Variants in GPD1L observed in about 807,000 individuals in gnomAD.
GPD1L encodes glycerol-3-phosphate dehydrogenase 1-like protein.
Under a neutral mutation model 32.9 loss-of-function variants are expected in GPD1L, and 17 were observed. That is an observed-to-expected ratio of 0.52 (90% CI 0.35 to 0.78). The LOEUF is 0.78. GPD1L is among the 30% of genes least tolerant of loss of function. The probability of loss-of-function intolerance (pLI) is 0.01; values close to 1 mark genes in which losing one functional copy is unlikely to be tolerated. For missense variants in GPD1L, 361 were observed against 447.8 expected, an observed-to-expected ratio of 0.81 and a Z score of 1.75; for synonymous variants, 187 against 165.9, an observed-to-expected ratio of 1.13 and a Z score of -0.98.
At chr3:32,131,800 G>A (rs1575112764) in intron 2 of GPD1L, among the ~76,000 whole-genome samples, 1 of 152,118 alleles carries the variant, frequency 6.6e-6, no homozygotes. Context: ...TTAACTTTTT[G>A]AGGAACTGCC....
At chr3:32,163,852 T>C (rs1701107555) in intron 7 of GPD1L, among the ~76,000 whole-genome samples, 1 of 152,194 alleles carries the variant, frequency 6.6e-6, no homozygotes, top group Admixed American at 6.5e-5. Context: ...AACACACAGT[T>C]ATAACAGGGA....
intron 5 of GPD1L, among the ~76,000 whole-genome samples, chr3:32,147,757 C>T (rs750276213): frequency 1.1e-4 from 17 of 152,230 alleles, no homozygotes; most frequent in Non-Finnish European, 2.2e-4. Flanking sequence ...CACCAGTCAC[C>T]TGTCTTTATT....
rs1700725665 is a variant in GPD1L at position 32,140,364 on chromosome 3, T to C, written c.503T>C (p.Ile168Thr). Residue 168 changes from isoleucine to threonine, a missense_variant and splice_region_variant, in exon 4 of 8, where the codon ATC becomes ACC. By Grantham distance (89) the Ile-to-Thr change is moderately conservative (BLOSUM62 -1). Transcript: ENST00000282541. ...GCAGAGAAGTTCTGTGAGACCACCA[T>C]CGGTAAGCACTGCCTGGGAGGGACC... ...VAAEKFCETT[I>T]GSKVMENGLL... 1 of 1,614,156 alleles carries C rather than the reference T, an allele frequency of 6.2e-7. No homozygotes were observed. Among genetic ancestry groups the C allele is most frequent in the Non-Finnish European group, 8.5e-7 (1 of 1,180,010 alleles).
intron 1 of GPD1L, among the ~76,000 whole-genome samples, chr3:32,121,685 CTATATATATATTTA>C (rs1480413835): frequency 8.0e-6 from 1 of 125,460 alleles, no homozygotes; most frequent in Non-Finnish European, 1.6e-5. Context: ...GTGTATATTT[CTATATATATATTTA>C]TATATATATT....
intron 5 of GPD1L, among the ~76,000 whole-genome samples, chr3:32,153,601 C>T (rs1700950058): frequency 6.6e-6 from 1 of 152,214 alleles, no homozygotes; most frequent in Non-Finnish European, 1.5e-5. Flanking sequence ...CAATATGTGG[C>T]ACCTTGCCTT....
intron 1 of GPD1L, among the ~76,000 whole-genome samples, chr3:32,112,050 A>C (rs966129075): frequency 6.6e-5 from 10 of 152,228 alleles, no homozygotes; most frequent in Admixed American, 4.6e-4. Context: ...GAGAGTTGAT[A>C]GGATGGACTG....
intron 1 of GPD1L, among the ~76,000 whole-genome samples, chr3:32,120,090 C>T (rs138775563): frequency 0.012 from 1,791 of 152,136 alleles, 18 homozygotes; most frequent in Non-Finnish European, 0.019. Flanking sequence ...TTTGGGAGGC[C>T]GAGGCAGGCG....
chr3:32,159,699 A>G (rs367951581), intron 7 of GPD1L, 25 bp downstream of exon 7: 241 of 1,332,448 alleles, frequency 1.8e-4, no homozygotes, highest in Admixed American at 7.6e-4. Context: ...CGCCCATGAG[A>G]CCAGATAAAT....
chr3:32,123,719 T>C (rs1700457872), intron 1 of GPD1L, among the ~76,000 whole-genome samples: 2 of 151,644 alleles, frequency 1.3e-5, no homozygotes, highest in African/African-American at 4.9e-5. Context: ...GATAGATAGA[T>C]AGATAGATAT....
chr3:32,137,312 A>C (rs933256829), intron 2 of GPD1L, among the ~76,000 whole-genome samples: 3 of 152,236 alleles, frequency 2.0e-5, no homozygotes, highest in Admixed American at 6.5e-5. Context: ...ATTTTTCTCT[A>C]ATGTAAAGAC....
chr3:32,165,253 T>G (rs1278749965), intron 7 of GPD1L, among the ~76,000 whole-genome samples: 2 of 152,198 alleles, frequency 1.3e-5, no homozygotes, highest in Non-Finnish European at 2.9e-5. Flanking sequence ...ATTTCTTTAG[T>G]GATTTTTCAC....
rs528950545 is a variant in GPD1L at position 32,112,509 on chromosome 3, C to T, written c.47+5751C>T. Among the ~76,000 whole-genome samples the T allele has an allele frequency of 2.2e-4, 33 of 152,162 alleles. No homozygotes were observed. The East Asian group carries it at 2.5e-3, about 12-fold the overall frequency. The stretch of plus-strand genomic sequence containing the variant: ...AAAATTAGCTGGGCATGATGGCATG[C>T]GCCTGTAGTCCCACCCACTTGGGAG... On this transcript the variant is annotated intron_variant, in intron 1 of 7. Transcript: ENST00000282541.
chr3:32,117,223 G>A (rs1700344625), intron 1 of GPD1L, among the ~76,000 whole-genome samples: 1 of 152,060 alleles, frequency 6.6e-6, no homozygotes, highest in Non-Finnish European at 1.5e-5. Flanking sequence ...GTTTCCTCTT[G>A]ATGGATATTC....
At position 32,158,547 on chromosome 3, in the gene GPD1L, T is replaced by C. The variant is rs191986516; in HGVS notation, c.619-329T>C. The C allele has an allele frequency of 7.8e-4, 353 of 455,112 alleles. 1 individual carries two copies. The highest frequency in any genetic ancestry group is 6.4e-3 in the African/African-American group (325 of 50,736). The allele number at this position is 455,112 out of a possible 1,614,324, so 28.2% of individuals were successfully genotyped here. A position where few individuals can be genotyped will look rare whatever the true frequency, so the allele number is the denominator to read the frequency against. ...TGTTATGGTTGCATAAAGCATTCCATTTAAAACAAAACAAAAAGTAAAGTA... is the reference window on the plus strand; with the variant it reads ...TGTTATGGTTGCATAAAGCATTCCACTTAAAACAAAACAAAAAGTAAAGTA... On this transcript the variant is annotated intron_variant, in intron 5 of 7. Transcript: ENST00000282541.
chr3:32,107,045 C>G (rs1019377932), intron 1 of GPD1L, among the ~76,000 whole-genome samples: 2 of 152,214 alleles, frequency 1.3e-5, no homozygotes, highest in Non-Finnish European at 2.9e-5. Flanking sequence ...CGCACAGAAG[C>G]CACCTGCTTG....
At chr3:32,146,092 T>C (rs1700819502) in intron 4 of GPD1L, among the ~76,000 whole-genome samples, 1 of 134,078 alleles carries the variant, frequency 7.5e-6, no homozygotes, top group African/African-American at 3.6e-5. Flanking sequence ...TCTTTTTTTT[T>C]TTTTTTTTTT....
intron 1 of GPD1L, among the ~76,000 whole-genome samples, chr3:32,126,866 G>A (rs1700515342): frequency 6.6e-6 from 1 of 152,136 alleles, no homozygotes; most frequent in South Asian, 2.1e-4. Flanking sequence ...CTGGGGTGTG[G>A]TCTGGGACTC....
intron 1 of GPD1L, among the ~76,000 whole-genome samples, chr3:32,120,465 A>G (rs1409948191): frequency 2.0e-5 from 3 of 152,220 alleles, no homozygotes; most frequent in South Asian, 4.1e-4. Context: ...CTTAATGCAT[A>G]GTTACAATGA....
chr3:32,165,090 A>G (rs1575124731), intron 7 of GPD1L, among the ~76,000 whole-genome samples: 1 of 152,100 alleles, frequency 6.6e-6, no homozygotes, highest in South Asian at 2.1e-4. Context: ...TGTAATCCCA[A>G]CTACTCTCAG....
Sources: allele counts gnomAD v4.1 joint callset (sites outside exome capture counted in the v4.1 genomes callset), GRCh38; gene constraint gnomAD v4.1.1; transcripts MANE v1.5; gene names NCBI Gene and HGNC (gene_info 2026-07-23, HGNC 2026-07-21).